Variants in ODAD1 observed in about 807,000 individuals in gnomAD.
ODAD1 encodes the protein outer dynein arm docking complex subunit 1.
ODAD1 carries 49 observed loss-of-function variants against 67.2 expected under a neutral mutation model. That is an observed-to-expected ratio of 0.73 (90% CI 0.58 to 0.92). ODAD1 has a LOEUF of 0.92. Among genes scored for constraint, ODAD1 ranks in the 40% least tolerant of loss-of-function variants. The pLI is 0.00. For synonymous variants in ODAD1, 345 were observed against 393.7 expected, an observed-to-expected ratio of 0.88 and a Z score of 1.46; for missense variants, 897 against 953.7, an observed-to-expected ratio of 0.94 and a Z score of 0.78.
At chr19:48,310,164 G>A (rs1291086824) in intron 7 of ODAD1, among the ~76,000 whole-genome samples, 1 of 152,090 alleles carries the variant, frequency 6.6e-6, no homozygotes, top group Admixed American at 6.6e-5. Flanking sequence ...AACCCGGGAG[G>A]TGGAGGTTGC....
intron 5 of ODAD1, among the ~76,000 whole-genome samples, chr19:48,316,469 C>T (rs1968902258): frequency 6.6e-6 from 1 of 151,994 alleles, no homozygotes; most frequent in African/African-American, 2.4e-5. Flanking sequence ...TATGAGAGTT[C>T]TGCTTCCTCT....
intron 5 of ODAD1, among the ~76,000 whole-genome samples, chr19:48,317,108 C>A (rs1276950060): frequency 1.3e-5 from 2 of 152,088 alleles, no homozygotes; most frequent in Non-Finnish European, 2.9e-5. Context: ...TAGCTCTGCC[C>A]CCTCAGCCTC....
Position 48,298,442 on chromosome 19 carries a change from G to T in ODAD1, c.1241-102C>A, listed in dbSNP as rs539960355. On this transcript the variant is annotated intron_variant, in intron 12 of 15. Transcript: ENST00000674294. ...ACTGCCCCATTCTACAGAGACTGCG[G>T]TCAAGGCTCAGAGACCAAAAGGGAG... 4.7e-6 allele frequency: 6 copies of T among 1,279,582 alleles called. No individual in the cohort carries two copies. The African/African-American group carries it at 5.9e-5, about 13-fold the overall frequency. 79.3% of individuals were successfully genotyped at this position (1,279,582 alleles called of 1,614,324 possible). A position where few individuals can be genotyped will look rare whatever the true frequency, so the allele number is the denominator to read the frequency against.
At chr19:48,300,636 A>G (rs1968438543) in intron 12 of ODAD1, among the ~76,000 whole-genome samples, 2 of 152,236 alleles carry the variant, frequency 1.3e-5, no homozygotes, top group Non-Finnish European at 2.9e-5. Context: ...TCTAGTATCT[A>G]GAATATACAA....
Position 48,319,525 on chromosome 19 carries a change from G to A in ODAD1, c.71-713C>T, listed in dbSNP as rs563585341. 5.9e-6 allele frequency: 4 copies of A among 682,838 alleles called. No individual in the cohort carries two copies. In the African/African-American group the frequency reaches 7.8e-5, roughly 13 times the overall value. The allele number at this position is 682,838 out of a possible 1,614,324, so 42.3% of individuals were successfully genotyped here. ...CTGCCTTCCAAAAACATTTGGCAAT[G>A]TCTGGAGACTTATTTTTTTCTAGAC... is the stretch of plus-strand genomic sequence containing the variant. On this transcript the variant is annotated intron_variant, in intron 3 of 15. Coordinates refer to ENST00000674294, the MANE Select transcript of ODAD1 (RefSeq NM_001364171.2).
chr19:48,318,084 A>G (rs1233899310), intron 5 of ODAD1, among the ~76,000 whole-genome samples: 1 of 151,670 alleles, frequency 6.6e-6, no homozygotes, highest in Non-Finnish European at 1.5e-5. Context: ...AAAACAAAAC[A>G]AAAGAAAAAC....
rs2147309601 is a variant in ODAD1 at position 48,298,293 on chromosome 19, C to T, written c.1288G>A (p.Asp430Asn). 3.1e-6 allele frequency: 5 copies of T among 1,614,186 alleles called. No individual in the cohort carries two copies. Among genetic ancestry groups the T allele is most frequent in the African/African-American group, 1.3e-5 (1 of 75,058 alleles). The part of the protein sequence containing the change: ...TKAHCDSSMI[D>N]DLLGVKTSMG... ...CTGGTCTTGACCCCAAGGAGGTCAT[C>T]GATCATGCTGCTGTCGCAATGGGCC... The change falls in exon 13 of 16, where the codon GAT (aspartate) becomes AAT (asparagine). Residue 430 changes from aspartate to asparagine, a missense_variant. Asp to Asn is a conservative substitution (Grantham distance 23). Coordinates refer to ENST00000674294, the MANE Select transcript of ODAD1 (RefSeq NM_001364171.2).
chr19:48,305,952 G>A (rs576429272), intron 8 of ODAD1, among the ~76,000 whole-genome samples: 67 of 152,000 alleles, frequency 4.4e-4, no homozygotes, highest in Admixed American at 2.6e-3. Context: ...CCAGCTACTC[G>A]GGAGGCTGAG....
At position 48,308,525 on chromosome 19, in the gene ODAD1, GAC is replaced by G. The variant is rs760063892; in HGVS notation, c.598-2204_598-2203del. Among the ~76,000 whole-genome samples, 9 of 152,318 alleles carry G rather than the reference GAC, an allele frequency of 5.9e-5. No homozygotes were observed. In the East Asian group the frequency reaches 1.3e-3, roughly 23 times the overall value. On this transcript the variant is annotated intron_variant, in intron 7 of 15. Coordinates refer to ENST00000674294, the MANE Select transcript of ODAD1 (RefSeq NM_001364171.2). The stretch of plus-strand genomic sequence containing the variant: ...GCGATCTTATAAATGTGGGAGAAAT[GAC>G]AGAGTCTTTTAAATTACCCTGTTGC...
chr19:48,296,963 C>T lies in ODAD1; in HGVS notation c.*13G>A, dbSNP rs200941822. 1.6e-4 allele frequency: 257 copies of T among 1,574,168 alleles called. 5 individuals are homozygous for T. The East Asian group carries it at 3.6e-3, about 22-fold the overall frequency. On this transcript the variant is annotated 3_prime_UTR_variant, in exon 16 of 16. Coordinates refer to ENST00000674294, the MANE Select transcript of ODAD1 (RefSeq NM_001364171.2). ...GAGAGCCAGGGCAGGGTGGGGGCTG[C>T]GTGCCCCTCGTGTTAGCCCCGGGAG...
chr19:48,298,026 CAT>C lies in ODAD1; in HGVS notation c.1474_1475del (p.Met492GlyfsTer7). ...GQSLEDLPKK[M>X]APLQPPDTLE... ...GAGTGTCAGGGGGCTGAAGTGGGGC[CAT>C]CTTCTTCGGAAGGTCCTCCAGGCTC... On this transcript the variant is annotated frameshift_variant, in exon 14 of 16. Coordinates refer to ENST00000674294, the MANE Select transcript of ODAD1 (RefSeq NM_001364171.2). LOFTEE classifies it high-confidence loss of function. The C allele has an allele frequency of 1.9e-6, 3 of 1,613,388 alleles. No individual in the cohort carries two copies. Among genetic ancestry groups the C allele is most frequent in the Non-Finnish European group, 2.5e-6 (3 of 1,179,832 alleles).
Position 48,297,468 on chromosome 19 carries a change from G to C in ODAD1, c.1632C>G (p.Ala544=). ...AEAQRQKDLA[A]AAAKLDGTLS... is the part of the protein sequence containing the mutation. ...GGGTGCCGTCCAGCTTCGCGGCGGCGGCGGCCAGGTCCTTCTGGCGCTGCG... is the reference window on the plus strand; with the variant it reads ...GGGTGCCGTCCAGCTTCGCGGCGGCCGCGGCCAGGTCCTTCTGGCGCTGCG... The change falls in exon 16 of 16, where the codon GCC becomes GCG. Residue 544 remains alanine, a synonymous_variant. Transcript: ENST00000674294. 1 of 1,601,160 alleles carries C rather than the reference G, an allele frequency of 6.2e-7. No individual in the cohort carries two copies. The highest frequency in any genetic ancestry group is 1.1e-5 in the South Asian group (1 of 90,454).
intron 12 of ODAD1, among the ~76,000 whole-genome samples, chr19:48,299,877 A>G (rs1968413356): frequency 6.6e-6 from 1 of 151,666 alleles, no homozygotes; most frequent in Non-Finnish European, 1.5e-5. Context: ...GGGATTAAAA[A>G]AAAAAAAAAG....
chr19:48,302,870 G>A lies in ODAD1; in HGVS notation c.1072-8C>T, dbSNP rs779002861. The A allele has an allele frequency of 6.2e-7, 1 of 1,613,704 alleles. No individual in the cohort carries two copies. Among genetic ancestry groups the A allele is most frequent in the South Asian group, 1.1e-5 (1 of 91,080 alleles). ...CACCAAAGCCTCCTGCATCTGTGGG[G>A]ACAGGGCTGAATGCTGGGCCAGATG... is the stretch of plus-strand genomic sequence containing the variant. On this transcript the variant is annotated splice_region_variant and splice_polypyrimidine_tract_variant and intron_variant, in intron 11 of 15. Coordinates refer to ENST00000674294, the MANE Select transcript of ODAD1 (RefSeq NM_001364171.2).
intron 2 of ODAD1, among the ~76,000 whole-genome samples, 171 bp downstream of exon 2, chr19:48,320,601 C>A (rs949236760): frequency 2.6e-5 from 4 of 152,308 alleles, no homozygotes; most frequent in Non-Finnish European, 4.4e-5. Context: ...CTGGGTCTTG[C>A]GTCTAGGCTC....
chr19:48,312,393 C>G (rs567759135), intron 5 of ODAD1, among the ~76,000 whole-genome samples: 36 of 147,630 alleles, frequency 2.4e-4, no homozygotes, highest in Admixed American at 1.7e-3. Flanking sequence ...TAGCCTGACT[C>G]CTTTCCGTTT....
At chr19:48,302,241 G>A (rs1407758416) in intron 12 of ODAD1, among the ~76,000 whole-genome samples, 1 of 152,062 alleles carries the variant, frequency 6.6e-6, no homozygotes, top group African/African-American at 2.4e-5. Context: ...GATAGACCCT[G>A]GATGGAGAGA....
intron 8 of ODAD1, among the ~76,000 whole-genome samples, chr19:48,305,150 A>G (rs986558561): frequency 2.0e-5 from 3 of 152,174 alleles, no homozygotes; most frequent in African/African-American, 7.2e-5. Flanking sequence ...AAGCATTTGG[A>G]GCAAAAGAAG....
chr19:48,318,055 A>G (rs1175817329), intron 5 of ODAD1, among the ~76,000 whole-genome samples: 1 of 150,290 alleles, frequency 6.7e-6, no homozygotes, highest in Non-Finnish European at 1.5e-5. Context: ...CCTGGGCGAC[A>G]GAGCAAGACT....
Sources: gnomAD v4.1 joint callset for allele counts (sites outside exome capture counted in the v4.1 genomes callset) on GRCh38, gnomAD v4.1.1 for gene constraint, MANE v1.5 for transcripts, NCBI Gene and HGNC (gene_info 2026-07-23, HGNC 2026-07-21) for gene names.